Variants in SUGCT observed in about 807,000 individuals in gnomAD.
SUGCT encodes the protein succinyl-CoA:glutarate CoA-transferase.
SUGCT carries 41 observed loss-of-function variants against 55.0 expected under a neutral mutation model. That is an observed-to-expected ratio of 0.74 (90% confidence interval 0.58 to 0.97). The LOEUF is 0.97. Among genes scored for constraint, SUGCT ranks in the 50% least tolerant of loss-of-function variants. The pLI is 0.00. For missense variants in SUGCT, 568 were observed against 547.8 expected (o/e 1.04, Z -0.37); for synonymous variants, 187 against 200.4 (o/e 0.93, Z 0.56).
intron 10 of SUGCT, among the ~76,000 whole-genome samples, chr7:40,453,948 C>T (rs1414204675): frequency 6.6e-6 from 1 of 151,704 alleles, no homozygotes; most frequent in African/African-American, 2.4e-5. Flanking sequence ...AAATATTTAG[C>T]AAAGAAATAT....
At chr7:40,405,470 T>C (rs542786625) in intron 9 of SUGCT, among the ~76,000 whole-genome samples, 69 of 152,316 alleles carry the variant, frequency 4.5e-4, no homozygotes, top group African/African-American at 1.6e-3. Flanking sequence ...TTGCTTCTTA[T>C]AATATCAGCT....
At chr7:40,745,788 C>T (rs776255165) in intron 12 of SUGCT, among the ~76,000 whole-genome samples, 26 of 152,128 alleles carry the variant, frequency 1.7e-4, no homozygotes, top group Non-Finnish European at 3.2e-4. Flanking sequence ...AAATTCCCTG[C>T]CTTATATTGA....
chr7:40,424,853 G>T (rs564682607), intron 9 of SUGCT, among the ~76,000 whole-genome samples: 4 of 152,012 alleles, frequency 2.6e-5, no homozygotes, highest in Non-Finnish European at 4.4e-5. Flanking sequence ...TACATATTTT[G>T]TAGACTTATT....
rs1291778715 is a variant in SUGCT, at chr7:40,324,228, TATATATAAATAA to T, written c.816+7377_816+7388del. 4.2e-3 allele frequency among the ~76,000 whole-genome samples: 478 copies of T among 113,546 alleles called. 16 individuals are homozygous for T. Among genetic ancestry groups the T allele is most frequent in the Non-Finnish European group, 6.4e-3 (355 of 55,526 alleles). The allele number at this position is 113,546 out of a possible 152,430, so 74.5% of individuals were successfully genotyped here. ...ACTTCATAGGATAAGCAGATGATCA[TATATATAAATAA>T]ATAAATAAATAAATATATATATATT... On this transcript the variant is annotated intron_variant, in intron 9 of 13. Coordinates refer to ENST00000335693, the MANE Select transcript of SUGCT (RefSeq NM_001193313.2).
At chr7:40,695,011 C>T (rs1314107289) in intron 12 of SUGCT, among the ~76,000 whole-genome samples, 1 of 151,998 alleles carries the variant, frequency 6.6e-6, no homozygotes, top group Admixed American at 6.6e-5. Flanking sequence ...TGATGTAAAT[C>T]TTGTTTTTAG....
chr7:40,777,675 G>A (rs1429099865), intron 13 of SUGCT, among the ~76,000 whole-genome samples: 5 of 152,074 alleles, frequency 3.3e-5, no homozygotes, highest in Non-Finnish European at 2.9e-5. Flanking sequence ...ACTGGGCAGC[G>A]CCATGGTTGG....
chr7:40,379,001 A>T (rs1200370933), intron 9 of SUGCT, among the ~76,000 whole-genome samples: 1 of 152,150 alleles, frequency 6.6e-6, no homozygotes, highest in Non-Finnish European at 1.5e-5. Flanking sequence ...AGCCTGGATT[A>T]TCTTGGCGGG....
chr7:40,495,692 G>C (rs1562817216), intron 11 of SUGCT, among the ~76,000 whole-genome samples: 1 of 152,104 alleles, frequency 6.6e-6, no homozygotes, highest in East Asian at 1.9e-4. Context: ...AATTATAGTA[G>C]AAATAAAACA....
chr7:40,979,980 C>G, the SUGCT span: 183 of 152,298 alleles, frequency 1.2e-3, 1 homozygote, highest in African/African-American at 4.3e-3. Flanking sequence ...ATACCCTGGA[C>G]TAGGTGACAT....
intron 13 of SUGCT, among the ~76,000 whole-genome samples, chr7:40,757,743 A>G (rs1788328307): frequency 6.6e-6 from 1 of 152,186 alleles, no homozygotes; most frequent in Non-Finnish European, 1.5e-5. Flanking sequence ...TAGAAATCAA[A>G]AGAAAAATAA....
intron 8 of SUGCT, among the ~76,000 whole-genome samples, chr7:40,281,841 A>G (rs1303548594): frequency 6.6e-6 from 1 of 152,002 alleles, no homozygotes; most frequent in East Asian, 1.9e-4. Flanking sequence ...TTTTTTGGAG[A>G]CAGGGTCTCA....
chr7:40,883,790 G>A, the SUGCT span, among the ~76,000 whole-genome samples: 2 of 152,200 alleles, frequency 1.3e-5, no homozygotes, highest in Middle Eastern at 3.4e-3. Context: ...ATAAGCAGTG[G>A]ATTGATTTAT....
chr7:40,536,957 G>T (rs1360069886), intron 12 of SUGCT, among the ~76,000 whole-genome samples: 1 of 152,110 alleles, frequency 6.6e-6, no homozygotes, highest in Non-Finnish European at 1.5e-5. Context: ...TAAAAATAAT[G>T]AACACCGAAA....
chr7:40,829,509 GTCAGTTAT>G (rs2128775993), intron 13 of SUGCT, among the ~76,000 whole-genome samples: 1 of 152,116 alleles, frequency 6.6e-6, no homozygotes, highest in South Asian at 2.1e-4. Flanking sequence ...TGGGTGGAGT[GTCAGTTAT>G]TTTATTTTCA....
intron 9 of SUGCT, among the ~76,000 whole-genome samples, chr7:40,340,968 A>C (rs1797013018): frequency 6.6e-6 from 1 of 152,216 alleles, no homozygotes; most frequent in African/African-American, 2.4e-5. Context: ...AGGGAACAGG[A>C]TGTTCTGCCT....
chr7:40,303,668 T>C (rs996358595), intron 8 of SUGCT, among the ~76,000 whole-genome samples: 2 of 152,288 alleles, frequency 1.3e-5, no homozygotes, highest in East Asian at 1.9e-4. Flanking sequence ...TCTTTCACAC[T>C]GTCCATACCT....
the SUGCT span, among the ~76,000 whole-genome samples, chr7:41,026,625 T>C: frequency 1.3e-5 from 2 of 152,254 alleles, no homozygotes; most frequent in South Asian, 4.1e-4. Flanking sequence ...AATCTGATTG[T>C]CTTTAGATAG....
chr7:40,335,592 T>G (rs1441467083), intron 9 of SUGCT, among the ~76,000 whole-genome samples: 1 of 152,216 alleles, frequency 6.6e-6, no homozygotes, highest in Non-Finnish European at 1.5e-5. Flanking sequence ...TTTTGCACAT[T>G]GATTTTGTAT....
At chr7:40,925,656 G>T in the SUGCT span, among the ~76,000 whole-genome samples, 2 of 152,136 alleles carry the variant, frequency 1.3e-5, no homozygotes, top group African/African-American at 4.8e-5. Flanking sequence ...GCAGGGAGGA[G>T]AAAGTAGCTG....
Sources: gnomAD v4.1 joint callset for allele counts (sites outside exome capture counted in the v4.1 genomes callset) on GRCh38, gnomAD v4.1.1 for gene constraint, MANE v1.5 for transcripts, NCBI Gene and HGNC (gene_info 2026-07-23, HGNC 2026-07-21) for gene names.